Variants in ADAMTS6 observed in about 807,000 individuals in gnomAD.
ADAMTS6 encodes ADAM metallopeptidase with thrombospondin type 1 motif 6.
Under a neutral mutation model 144.3 loss-of-function variants are expected in ADAMTS6, and 23 were observed. That is an observed-to-expected ratio of 0.16 (90% CI 0.11 to 0.23). ADAMTS6 has a LOEUF of 0.23. ADAMTS6 is among the 10% of genes least tolerant of loss of function. The pLI is 1.00. For missense variants in ADAMTS6, 999 were observed against 1,379.6 expected (o/e 0.72, Z 4.37); for synonymous variants, 444 against 457.5 (o/e 0.97, Z 0.38).
intron 7 of ADAMTS6, among the ~76,000 whole-genome samples, chr5:65,436,762 G>T (rs1757446069): frequency 6.6e-6 from 1 of 151,952 alleles, no homozygotes; most frequent in Non-Finnish European, 1.5e-5. Flanking sequence ...GGAGGCTGAG[G>T]CAGGAGAATT....
chr5:65,336,983 A>C (rs1213207102), intron 7 of ADAMTS6, among the ~76,000 whole-genome samples: 3 of 152,160 alleles, frequency 2.0e-5, no homozygotes, highest in African/African-American at 4.8e-5. Flanking sequence ...GCCTTCCCTG[A>C]ATATGTATCA....
chr5:65,302,590 T>C (rs1291801148), intron 9 of ADAMTS6, among the ~76,000 whole-genome samples: 1 of 151,988 alleles, frequency 6.6e-6, no homozygotes, highest in Admixed American at 6.6e-5. Context: ...GGAGTAAGTC[T>C]CTTTGAATGG....
intron 11 of ADAMTS6, among the ~76,000 whole-genome samples, chr5:65,288,052 G>T (rs1222187694): frequency 6.6e-6 from 1 of 152,078 alleles, no homozygotes; most frequent in Non-Finnish European, 1.5e-5. Flanking sequence ...AAGATGATAT[G>T]CAAGAATAAT....
At chr5:65,281,329 G>T (rs759684623) in intron 11 of ADAMTS6, among the ~76,000 whole-genome samples, 1 of 152,134 alleles carries the variant, frequency 6.6e-6, no homozygotes, top group South Asian at 2.1e-4. Flanking sequence ...GTTTACTTTT[G>T]TATTCCAATA....
chr5:65,246,854 A>G (rs1212388567), intron 14 of ADAMTS6, among the ~76,000 whole-genome samples: 3 of 152,206 alleles, frequency 2.0e-5, no homozygotes, highest in African/African-American at 7.2e-5. Context: ...GATTAAAAAT[A>G]GACTCAGTTG....
At chr5:65,357,648 AG>A (rs1227706528) in intron 7 of ADAMTS6, among the ~76,000 whole-genome samples, 1 of 151,758 alleles carries the variant, frequency 6.6e-6, no homozygotes, top group Non-Finnish European at 1.5e-5. Flanking sequence ...CATAAACAAA[AG>A]AGATGGCAAT....
At chr5:65,457,784 C>T (rs1262660335) in intron 4 of ADAMTS6, among the ~76,000 whole-genome samples, 5 of 128,018 alleles carry the variant, frequency 3.9e-5, no homozygotes, top group Middle Eastern at 5.8e-3. Context: ...GTTTCGCTCT[C>T]GGTGTGATCT....
intron 7 of ADAMTS6, among the ~76,000 whole-genome samples, chr5:65,372,479 T>C (rs1751057018): frequency 1.3e-5 from 2 of 151,518 alleles, no homozygotes; most frequent in South Asian, 4.2e-4. Flanking sequence ...AAAACAGACT[T>C]TAAACCAACA....
At chr5:65,421,789 T>C (rs762500614) in intron 7 of ADAMTS6, among the ~76,000 whole-genome samples, 3 of 152,090 alleles carry the variant, frequency 2.0e-5, no homozygotes, top group Non-Finnish European at 4.4e-5. Flanking sequence ...TCCATATCTC[T>C]CACTACATAA....
intron 21 of ADAMTS6, among the ~76,000 whole-genome samples, chr5:65,196,632 C>CT (rs924608655): frequency 4.3e-5 from 6 of 139,228 alleles, no homozygotes; most frequent in Non-Finnish European, 6.2e-5. Context: ...ACATCTAAGA[C>CT]TTTTTTTTTA....
At chr5:65,405,787 G>A (rs1439133371) in intron 7 of ADAMTS6, among the ~76,000 whole-genome samples, 1 of 152,134 alleles carries the variant, frequency 6.6e-6, no homozygotes, top group Non-Finnish European at 1.5e-5. Context: ...AGCATGGAAT[G>A]TTCTTCCATT....
At chr5:65,254,243 T>C (rs946343707) in intron 14 of ADAMTS6, among the ~76,000 whole-genome samples, 1 of 152,120 alleles carries the variant, frequency 6.6e-6, no homozygotes, top group Non-Finnish European at 1.5e-5. Flanking sequence ...ATTTTTAAAA[T>C]GTAGACGCTT....
chr5:65,451,366 T>C, intron 7 of ADAMTS6, 109 bp downstream of exon 7: 7 of 1,199,298 alleles, frequency 5.8e-6, no homozygotes, highest in Non-Finnish European at 8.2e-6. Flanking sequence ...AATTACCATT[T>C]TGCTTTCTCT....
At chr5:65,480,782 C>A (rs559830617) in intron 1 of ADAMTS6, among the ~76,000 whole-genome samples, 42 of 152,214 alleles carry the variant, frequency 2.8e-4, no homozygotes, top group Middle Eastern at 3.4e-3. Context: ...AAAAGTAAAT[C>A]AAAAACACAC....
At chr5:65,288,871 C>A (rs1232712714) in intron 11 of ADAMTS6, among the ~76,000 whole-genome samples, 4 of 152,278 alleles carry the variant, frequency 2.6e-5, no homozygotes, top group African/African-American at 9.6e-5. Flanking sequence ...TGGACTCTGA[C>A]CTTTGAAGCC....
At chr5:65,279,630 C>T (rs1762834563) in intron 11 of ADAMTS6, among the ~76,000 whole-genome samples, 1 of 152,128 alleles carries the variant, frequency 6.6e-6, no homozygotes, top group Non-Finnish European at 1.5e-5. Context: ...ATTACTATAT[C>T]TAAGTGTTCT....
At chr5:65,425,833 G>C (rs184664633) in intron 7 of ADAMTS6, among the ~76,000 whole-genome samples, 5 of 151,020 alleles carry the variant, frequency 3.3e-5, no homozygotes, top group African/African-American at 7.3e-5. Context: ...GCGCGATGTC[G>C]GCTCACTGCA....
In ADAMTS6 at chr5:65,386,401, T is replaced by C. The variant is rs79487528; in HGVS notation, c.1074-52316A>G. Among the ~76,000 whole-genome samples the C allele has an allele frequency of 1.6e-3, 251 of 152,298 alleles. 3 individuals are homozygous for C. In the East Asian group the frequency reaches 0.045, roughly 27 times the overall value. On this transcript the variant is annotated intron_variant, in intron 7 of 24. Transcript: ENST00000381055. ...TTGTACACAAATCTTTGATGATACA[T>C]TTGTTTGTGTCCTTATAAGGCATTT...
chr5:65,187,524 A>G (rs1205364188), intron 22 of ADAMTS6, among the ~76,000 whole-genome samples: 1 of 152,192 alleles, frequency 6.6e-6, no homozygotes, highest in Admixed American at 6.5e-5. Flanking sequence ...AATTGATAAC[A>G]ATTCATACCT....
Sources: allele counts gnomAD v4.1 joint callset (sites outside exome capture counted in the v4.1 genomes callset), GRCh38; gene constraint gnomAD v4.1.1; transcripts MANE v1.5; gene names NCBI Gene and HGNC (gene_info 2026-07-23, HGNC 2026-07-21).